The following PCNX2 variants were observed in gnomAD, a reference collection of about 807,000 sequenced individuals.
PCNX2 encodes pecanex-like protein 2.
PCNX2 carries 168 observed loss-of-function variants against 223.8 expected under a neutral mutation model. The observed-to-expected ratio is 0.75, with a 90% confidence interval of 0.66 to 0.85. PCNX2 has a LOEUF of 0.85. Ranked by LOEUF, PCNX2 falls within the 40% of genes least tolerant of loss-of-function variation. PCNX2 has a pLI of 0.00. For synonymous variants in PCNX2, 1,006 were observed against 1,052.6 expected, an observed-to-expected ratio of 0.96 and a Z score of 0.86; for missense variants, 2,507 against 2,675.5, an observed-to-expected ratio of 0.94 and a Z score of 1.39.
chr1:233,320,636 G>A, the PCNX2 span, among the ~76,000 whole-genome samples: 1 of 152,120 alleles, frequency 6.6e-6, no homozygotes. Context: ...AAGATTAGTT[G>A]CAGTGTGGAA....
intron 21 of PCNX2, among the ~76,000 whole-genome samples, chr1:233,105,889 G>A (rs566513741): frequency 6.6e-6 from 1 of 152,300 alleles, no homozygotes; most frequent in African/African-American, 2.4e-5. Context: ...AATCTACCAA[G>A]ATGTAGGAAT....
rs1157383277 is a variant in PCNX2, at chr1:233,017,350, C to T, written c.4606-196G>A. Among the ~76,000 whole-genome samples, 5 of 115,696 alleles carry T rather than the reference C, an allele frequency of 4.3e-5. No homozygotes were observed. The Admixed American group carries it at 5.7e-4, about 13-fold the overall frequency. The allele number at this position is 115,696 out of a possible 152,430, so 75.9% of individuals were successfully genotyped here. On this transcript the variant is annotated intron_variant, in intron 26 of 33. Coordinates refer to ENST00000258229, the MANE Select transcript of PCNX2 (RefSeq NM_014801.4). ...TTTTTTTTTTTGAGACGGAGTCTTGCTCTGTCACCCAGGCTGGAGTGCAGC... is the reference window on the plus strand; with the variant it reads ...TTTTTTTTTTTGAGACGGAGTCTTGTTCTGTCACCCAGGCTGGAGTGCAGC...
chr1:233,159,406 C>CT (rs1678329573), intron 19 of PCNX2, among the ~76,000 whole-genome samples: 1 of 152,176 alleles, frequency 6.6e-6, no homozygotes, highest in Non-Finnish European at 1.5e-5. Flanking sequence ...GAGTTCAGTA[C>CT]TTTAAGTCCA....
At chr1:233,125,548 G>A (rs1676047743) in intron 21 of PCNX2, among the ~76,000 whole-genome samples, 1 of 152,176 alleles carries the variant, frequency 6.6e-6, no homozygotes, top group African/African-American at 2.4e-5. Context: ...TTCTAGTCCT[G>A]GTGGTTTGGT....
At chr1:233,181,764 A>G (rs539865354) in intron 15 of PCNX2, among the ~76,000 whole-genome samples, 1 of 152,192 alleles carries the variant, frequency 6.6e-6, no homozygotes, top group East Asian at 1.9e-4. Flanking sequence ...CACATGGTAG[A>G]AGATGCAAGA....
At chr1:233,321,627 C>T in the PCNX2 span, among the ~76,000 whole-genome samples, 1 of 152,166 alleles carries the variant, frequency 6.6e-6, no homozygotes, top group East Asian at 1.9e-4. Flanking sequence ...TGTCATCATA[C>T]TTGGGTGTGC....
chr1:233,104,601 G>A (rs1674659595), intron 21 of PCNX2, among the ~76,000 whole-genome samples: 1 of 152,110 alleles, frequency 6.6e-6, no homozygotes, highest in South Asian at 2.1e-4. Flanking sequence ...CTCAGAAAAT[G>A]ATAGTTCAAT....
intron 23 of PCNX2, among the ~76,000 whole-genome samples, chr1:233,064,843 A>G (rs1404518550): frequency 6.6e-6 from 1 of 152,228 alleles, no homozygotes; most frequent in African/African-American, 2.4e-5. Flanking sequence ...CCAGATTTTC[A>G]TAAAGAAAAG....
intron 1 of PCNX2, among the ~76,000 whole-genome samples, chr1:233,268,319 T>C (rs11581907): frequency 1.3e-5 from 2 of 152,138 alleles, no homozygotes; most frequent in Admixed American, 1.3e-4. Context: ...CTCCCATCTT[T>C]TGAATGGCCT....
chr1:232,990,115 A>G lies in PCNX2; in HGVS notation c.5792-3575T>C, dbSNP rs1277762313. ...TTTACTTAACTAGAAGGAGGGTGAG[A>G]AGGAGGCCAGAGACTGAAATCAAAT... On this transcript the variant is annotated intron_variant, in intron 32 of 33. Coordinates refer to ENST00000258229, the MANE Select transcript of PCNX2 (RefSeq NM_014801.4). The surrounding 1 kb of genome is among the most constrained non-coding windows in gnomAD (Gnocchi z 4.3). Among the ~76,000 whole-genome samples the G allele has an allele frequency of 1.3e-5, 2 of 152,180 alleles. No homozygotes were observed. The highest frequency in any genetic ancestry group is 2.9e-5 in the Non-Finnish European group (2 of 68,018).
intron 21 of PCNX2, among the ~76,000 whole-genome samples, chr1:233,102,906 G>A (rs994836904): frequency 6.6e-6 from 1 of 152,056 alleles, no homozygotes; most frequent in African/African-American, 2.4e-5. Flanking sequence ...TCGGTTGTCT[G>A]TGCTTTTGAG....
At chr1:233,180,307 G>A (rs1179683074) in intron 15 of PCNX2, among the ~76,000 whole-genome samples, 1 of 152,070 alleles carries the variant, frequency 6.6e-6, no homozygotes, top group African/African-American at 2.4e-5. Context: ...GCAGAACATG[G>A]GAAATACATG....
chr1:233,288,770 T>A, intron 1 of PCNX2: 2 of 643,292 alleles, frequency 3.1e-6, no homozygotes, highest in South Asian at 4.2e-5. Context: ...GAGTCTGTAG[T>A]TCTTTTGGAG....
intron 28 of PCNX2, among the ~76,000 whole-genome samples, chr1:233,005,207 C>G (rs1030101774): frequency 6.6e-6 from 1 of 152,152 alleles, no homozygotes; most frequent in Non-Finnish European, 1.5e-5. Context: ...GATACTTGCT[C>G]AGAATGGCCT....
chr1:233,296,513 T>C (rs1029927591), upstream of PCNX2, among the ~76,000 whole-genome samples: 10 of 152,246 alleles, frequency 6.6e-5, no homozygotes, highest in Non-Finnish European at 1.3e-4. Context: ...TAATAATCTT[T>C]AAGCTATTAT....
chr1:233,020,857 T>C (rs1670865324), intron 26 of PCNX2, among the ~76,000 whole-genome samples: 1 of 152,240 alleles, frequency 6.6e-6, no homozygotes, highest in Non-Finnish European at 1.5e-5. Flanking sequence ...ACCCAGTTTA[T>C]TAGGAGATTT....
rs1670029147 is a variant in PCNX2, at chr1:233,000,125, A to G, written c.5328+180T>C. The stretch of plus-strand genomic sequence containing the variant: ...ATCCTGCCAGGGGAACACAGCACCC[A>G]GCCTGGCACCATGCCCTGCCCCACT... On this transcript the variant is annotated intron_variant, in intron 30 of 33. Coordinates refer to ENST00000258229, the MANE Select transcript of PCNX2 (RefSeq NM_014801.4). The surrounding 1 kb of genome is among the most constrained non-coding windows in gnomAD (Gnocchi z 4.6). 6.6e-6 allele frequency among the ~76,000 whole-genome samples: 1 copy of G among 152,050 alleles called. No homozygotes were observed. The highest frequency in any genetic ancestry group is 6.5e-5 in the Admixed American group (1 of 15,274).
chr1:233,054,732 T>C, intron 24 of PCNX2: 1 of 313,816 alleles, frequency 3.2e-6, no homozygotes, highest in Non-Finnish European at 5.8e-6. Context: ...CTATAATATA[T>C]AATACAAACA....
At chr1:233,215,248 C>A (rs1001076548) in intron 12 of PCNX2, among the ~76,000 whole-genome samples, 2 of 152,174 alleles carry the variant, frequency 1.3e-5, no homozygotes, top group Non-Finnish European at 2.9e-5. Context: ...CAGATTGCAA[C>A]AAGAAATATT....
Sources: gnomAD v4.1 joint callset for allele counts (sites outside exome capture counted in the v4.1 genomes callset) on GRCh38, gnomAD v4.1.1 for gene constraint, Gnocchi (gnomAD v3.1) non-coding constraint, MANE v1.5 for transcripts, NCBI Gene and HGNC (gene_info 2026-07-23, HGNC 2026-07-21) for gene names.